Variants in ANXA4 observed in about 807,000 individuals in gnomAD.
The protein encoded by ANXA4 is annexin A4, also known as 35-beta calcimedin.
A neutral mutation model predicts 49.8 loss-of-function variants in ANXA4; 39 were observed. That is an observed-to-expected ratio of 0.78 (90% CI 0.61 to 1.02). ANXA4 has a LOEUF of 1.02. Among genes scored for constraint, ANXA4 ranks in the 50% least tolerant of loss-of-function variants. The probability of loss-of-function intolerance (pLI) is 0.00; values close to 1 mark genes in which losing one functional copy is unlikely to be tolerated. For missense variants in ANXA4, 360 were observed against 410.1 expected (o/e 0.88, Z 1.05); for synonymous variants, 134 against 152.5 (o/e 0.88, Z 0.89).
intron 2 of ANXA4, among the ~76,000 whole-genome samples, chr2:69,674,877 T>A (rs540125506): frequency 1.1e-4 from 17 of 151,168 alleles, no homozygotes; most frequent in East Asian, 9.7e-4. Flanking sequence ...ATAATTTTTT[T>A]AAAATCTCAT....
chr2:69,725,235 CAT>C (rs1415070112), intron 3 of ANXA4, among the ~76,000 whole-genome samples: 2 of 151,960 alleles, frequency 1.3e-5, no homozygotes, highest in African/African-American at 4.8e-5. Flanking sequence ...AACATATTAA[CAT>C]ATATATTAAC....
At chr2:69,657,901 A>C (rs1218683909) in intron 2 of ANXA4, among the ~76,000 whole-genome samples, 1 of 152,204 alleles carries the variant, frequency 6.6e-6, no homozygotes, top group Non-Finnish European at 1.5e-5. Flanking sequence ...CCTATTTAAA[A>C]ATTTTTTATA....
rs547857649 is a variant in ANXA4, at chr2:69,677,236, T to C, written n.766+23954T>C. On this transcript the variant is annotated intron_variant and non_coding_transcript_variant, in intron 2 of 3. Coordinates refer to the ANXA4 transcript ENST00000418066. ...AGTTATTAAAGGTTCTTCATAAATA[T>C]ATAATTTTTTTTGAGACAGAGTCTC... 1.4e-4 allele frequency among the ~76,000 whole-genome samples: 22 copies of C among 152,308 alleles called. No individual in the cohort carries two copies. The South Asian group carries it at 3.1e-3, about 21-fold the overall frequency.
chr2:69,706,364 G>A lies in ANXA4; in HGVS notation n.767-14410G>A, dbSNP rs111772253. On this transcript the variant is annotated intron_variant and non_coding_transcript_variant, in intron 2 of 3. Coordinates refer to the ANXA4 transcript ENST00000418066. ...CACCCAGGCTGGGGTACAGTGGTTCGATCTCAGCTCACTGCAACCTCTGCC... is the reference window on the plus strand; with the variant it reads ...CACCCAGGCTGGGGTACAGTGGTTCAATCTCAGCTCACTGCAACCTCTGCC... Among the ~76,000 whole-genome samples, 19 of 123,316 alleles carry A rather than the reference G, an allele frequency of 1.5e-4. 2 individuals are homozygous for A. The highest frequency in any genetic ancestry group is 4.8e-4 in the African/African-American group (15 of 31,200). 80.9% of individuals were successfully genotyped at this position (123,316 alleles called of 152,430 possible).
At position 69,810,458 on chromosome 2, in the gene ANXA4, G is replaced by A. The variant is rs1483968635; in HGVS notation, c.398-136G>A. On this transcript the variant is annotated intron_variant, in intron 6 of 12. Coordinates refer to ENST00000394295, the MANE Select transcript of ANXA4 (RefSeq NM_001153.5). ...CAGAGTTTAGTTTTTGAAAAACTGT[G>A]TGTGGGGTGAAAAAACCTCATGATA... 18 of 679,326 alleles carry A rather than the reference G, an allele frequency of 2.6e-5. 1 individual carries two copies. The highest frequency in any genetic ancestry group is 8.3e-5 in the South Asian group (5 of 60,416). The allele number at this position is 679,326 out of a possible 1,614,324, so 42.1% of individuals were successfully genotyped here.
intron 3 of ANXA4, among the ~76,000 whole-genome samples, chr2:69,790,106 T>G (rs371875641): frequency 2.3e-4 from 35 of 152,306 alleles, no homozygotes; most frequent in African/African-American, 8.2e-4. Context: ...GTGCTTTTTT[T>G]TTGAACTGCA....
chr2:69,776,662 C>T (rs764247932), intron 1 of ANXA4, among the ~76,000 whole-genome samples: 6 of 152,122 alleles, frequency 3.9e-5, no homozygotes, highest in Non-Finnish European at 7.4e-5. Context: ...TCCAATCTTT[C>T]GGCTTCCCTG....
At chr2:69,719,491 G>C (rs1394962124) in intron 2 of ANXA4, among the ~76,000 whole-genome samples, 2 of 151,224 alleles carry the variant, frequency 1.3e-5, no homozygotes, top group African/African-American at 2.4e-5. Flanking sequence ...CCAGGCTAGA[G>C]TGCAGTGGTG....
intron 1 of ANXA4, among the ~76,000 whole-genome samples, chr2:69,756,531 G>C (rs4852995): frequency 0.52 from 78,573 of 151,976 alleles, 20,811 homozygotes; most frequent in East Asian, 0.79. Context: ...TTCTCTACTT[G>C]TACTGTTTCC....
chr2:69,791,062 A>G (rs1672672523), intron 3 of ANXA4, among the ~76,000 whole-genome samples: 1 of 152,194 alleles, frequency 6.6e-6, no homozygotes, highest in Admixed American at 6.5e-5. Context: ...ACCTTGTTCC[A>G]TGAGGAATTT....
intron 2 of ANXA4, among the ~76,000 whole-genome samples, chr2:69,675,847 C>A (rs1677390681): frequency 6.6e-6 from 1 of 151,926 alleles, no homozygotes; most frequent in Non-Finnish European, 1.5e-5. Context: ...CACGGTGAAA[C>A]CCTGTCTCTA....
intron 2 of ANXA4, among the ~76,000 whole-genome samples, chr2:69,695,569 A>G (rs939014658): frequency 3.9e-5 from 6 of 152,244 alleles, no homozygotes; most frequent in African/African-American, 1.4e-4. Context: ...ATTGAATGGA[A>G]GCAACGAAGT....
chr2:69,687,952 T>A (rs1255672600), intron 2 of ANXA4, among the ~76,000 whole-genome samples: 1 of 152,240 alleles, frequency 6.6e-6, no homozygotes, highest in Non-Finnish European at 1.5e-5. Context: ...TTTGAAAATA[T>A]ACCCACAATA....
intron 3 of ANXA4, 87 bp from the exon 4 acceptor site, chr2:69,804,442 GTGTT>G: frequency 8.8e-7 from 1 of 1,141,170 alleles, no homozygotes; most frequent in Non-Finnish European, 1.3e-6. Flanking sequence ...CCCTCTGCAT[GTGTT>G]TGGGTAACTC....
At chr2:69,710,029 C>G (rs1251200261) in intron 2 of ANXA4, among the ~76,000 whole-genome samples, 1 of 141,982 alleles carries the variant, frequency 7.0e-6, no homozygotes, top group Non-Finnish European at 1.5e-5. Flanking sequence ...CTCTTGTTGC[C>G]CAGGCTGGAG....
intron 2 of ANXA4, among the ~76,000 whole-genome samples, chr2:69,671,814 A>G (rs1018158585): frequency 2.0e-5 from 3 of 152,336 alleles, no homozygotes; most frequent in East Asian, 3.9e-4. Flanking sequence ...ATGCAACACC[A>G]ATCCTTGGTA....
intron 3 of ANXA4, among the ~76,000 whole-genome samples, chr2:69,724,146 A>G (rs1338058520): frequency 6.6e-6 from 1 of 152,242 alleles, no homozygotes. Flanking sequence ...GAAAAAGAAA[A>G]GAAATGGAAA....
chr2:69,766,529 C>A (rs1443468144), intron 1 of ANXA4, among the ~76,000 whole-genome samples: 1 of 152,192 alleles, frequency 6.6e-6, no homozygotes, highest in Non-Finnish European at 1.5e-5. Context: ...TGCTCCAGGG[C>A]TCCAACCACT....
At chr2:69,682,368 G>A (rs1677630919) in intron 2 of ANXA4, among the ~76,000 whole-genome samples, 1 of 151,478 alleles carries the variant, frequency 6.6e-6, no homozygotes, top group Non-Finnish European at 1.5e-5. Context: ...TCTATGTTGT[G>A]GAATCTATTG....
Sources: gnomAD v4.1 joint callset for allele counts (sites outside exome capture counted in the v4.1 genomes callset) on GRCh38, gnomAD v4.1.1 for gene constraint, MANE v1.5 for transcripts, NCBI Gene and HGNC (gene_info 2026-07-23, HGNC 2026-07-21) for gene names.